ZYG11B: variants seen among roughly 807,000 people sequenced by gnomAD.
ZYG11B encodes the protein zyg-11 family member B, cell cycle regulator, also known as protein zyg-11 homolog B.
ZYG11B carries 36 observed loss-of-function variants against 82.4 expected under a neutral mutation model. The ratio of observed to expected loss-of-function variants is 0.44; its 90% CI spans 0.33 to 0.58. The LOEUF is 0.58. Among genes scored for constraint, ZYG11B ranks in the 20% least tolerant of loss-of-function variants. ZYG11B has a pLI of 0.02. For synonymous variants in ZYG11B, 303 were observed against 312.8 expected (o/e 0.97, Z 0.33); for missense variants, 552 against 895.6 (o/e 0.62, Z 4.90).
At chr1:52,749,020 A>G (rs1644499842) in intron 1 of ZYG11B, among the ~76,000 whole-genome samples, 1 of 151,862 alleles carries the variant, frequency 6.6e-6, no homozygotes, top group South Asian at 2.1e-4. Flanking sequence ...GGCTAACATG[A>G]TGAAACCCCG....
chr1:52,779,381 A>G (rs1316354712), intron 3 of ZYG11B, among the ~76,000 whole-genome samples: 1 of 152,224 alleles, frequency 6.6e-6, no homozygotes, highest in Non-Finnish European at 1.5e-5. Context: ...CATCTCTTCA[A>G]GACAGATATA....
At position 52,823,517 on chromosome 1, in the gene ZYG11B, A is replaced by G. The variant is rs1210448426; in HGVS notation, c.*1888A>G. Reference sequence around the variant, plus strand: ...AGACAAAATAGAGAATTCTTTTAAAAGTTTTTTTTTTTTTTTTCCTTTTTC... The same window carrying G: ...AGACAAAATAGAGAATTCTTTTAAAGGTTTTTTTTTTTTTTTTCCTTTTTC... On this transcript the variant is annotated 3_prime_UTR_variant, in exon 14 of 14. Transcript: ENST00000294353. 1 of 149,862 alleles carries G rather than the reference A, an allele frequency of 6.7e-6. No homozygotes were observed. The highest frequency in any genetic ancestry group is 1.9e-4 in the East Asian group (1 of 5,182). The allele number at this position is 149,862 out of a possible 1,614,324, so 9.3% of individuals were successfully genotyped here.
chr1:52,781,691 C>G (rs1016206125), intron 4 of ZYG11B, among the ~76,000 whole-genome samples: 6 of 152,164 alleles, frequency 3.9e-5, no homozygotes, highest in Admixed American at 3.9e-4. Context: ...TTAGTGGGCA[C>G]AATTCCAAGA....
rs1553261659 is a variant in ZYG11B, at chr1:52,793,868, T to TTTCTTTCCTTCCTTCC, written c.1335-2421_1335-2420insTTTCCTTCCTTCCTTC. Among the ~76,000 whole-genome samples, 389 of 95,476 alleles carry TTTCTTTCCTTCCTTCC rather than the reference T, an allele frequency of 4.1e-3. 5 individuals carry two copies. In the East Asian group the frequency reaches 0.063, roughly 15 times the overall value. 62.6% of individuals were successfully genotyped at this position (95,476 alleles called of 152,430 possible). Reference sequence around the variant, plus strand: ...TTTCTTTCTTTCTTCCTTTTCTTTCTTTCCTTCCTTCCTTCCTTCCTTCCT... The same window carrying TTTCTTTCCTTCCTTCC: ...TTTCTTTCTTTCTTCCTTTTCTTTCTTTCTTTCCTTCCTTCCTTCCTTCCTTCCTTCCTTCCTTCCT... On this transcript the variant is annotated intron_variant, in intron 6 of 13. Transcript: ENST00000294353.
At chr1:52,767,169 TG>T (rs1302479299) in intron 2 of ZYG11B, among the ~76,000 whole-genome samples, 99 of 129,738 alleles carry the variant, frequency 7.6e-4, no homozygotes, top group African/African-American at 2.4e-3. Context: ...TTTTATGTTA[TG>T]TTATTTTGTT....
At chr1:52,800,299 T>TAACTG (rs1394909422) in intron 8 of ZYG11B, among the ~76,000 whole-genome samples, 9 of 151,760 alleles carry the variant, frequency 5.9e-5, no homozygotes, top group African/African-American at 2.2e-4. Flanking sequence ...GAAAAATGAT[T>TAACTG]AACTGAGGTA....
At chr1:52,733,612 G>T (rs1264853165) in intron 1 of ZYG11B, among the ~76,000 whole-genome samples, 1 of 152,134 alleles carries the variant, frequency 6.6e-6, no homozygotes, top group Non-Finnish European at 1.5e-5. Flanking sequence ...AGTGAGCAGG[G>T]TTCACACCAC....
At chr1:52,770,745 T>G (rs2149938084) in intron 2 of ZYG11B, among the ~76,000 whole-genome samples, 1 of 152,308 alleles carries the variant, frequency 6.6e-6, no homozygotes, top group South Asian at 2.1e-4. Context: ...TGTAGTTGTC[T>G]GGTAAGGTAA....
chr1:52,783,831 C>CATACACGT (rs1553260788), intron 4 of ZYG11B, among the ~76,000 whole-genome samples: 2 of 72,488 alleles, frequency 2.8e-5, no homozygotes, highest in African/African-American at 3.4e-5. Flanking sequence ...TGTATACATA[C>CATACACGT]GTGTGTATAT....
rs578194305 is a variant in ZYG11B at position 52,760,067 on chromosome 1, C to G, written c.196+3444C>G. Among the ~76,000 whole-genome samples the G allele has an allele frequency of 7.9e-5, 12 of 152,246 alleles. No homozygotes were observed. The East Asian group carries it at 2.3e-3, about 30-fold the overall frequency. On this transcript the variant is annotated intron_variant, in intron 2 of 13. Coordinates refer to ENST00000294353, the MANE Select transcript of ZYG11B (RefSeq NM_024646.3). ...CAGGCTGGTCCTAAACTCCTGACCTCAAGTGATCTACCGCCTAGGCCTTCG... is the reference window on the plus strand; with the variant it reads ...CAGGCTGGTCCTAAACTCCTGACCTGAAGTGATCTACCGCCTAGGCCTTCG...
chr1:52,816,039 G>C (rs1056864403), intron 12 of ZYG11B, among the ~76,000 whole-genome samples: 30 of 152,114 alleles, frequency 2.0e-4, no homozygotes, highest in Admixed American at 9.8e-4. Flanking sequence ...ATTACCTGAA[G>C]TATTTAATTT....
intron 4 of ZYG11B, among the ~76,000 whole-genome samples, chr1:52,781,017 G>A (rs981053006): frequency 2.6e-5 from 4 of 151,302 alleles, no homozygotes; most frequent in Non-Finnish European, 5.9e-5. Context: ...GGTGGTGCAC[G>A]CCAGTAATCC....
At chr1:52,748,258 A>G (rs2149925277) in intron 1 of ZYG11B, among the ~76,000 whole-genome samples, 1 of 152,316 alleles carries the variant, frequency 6.6e-6, no homozygotes, top group East Asian at 1.9e-4. Context: ...AGGACCTGAT[A>G]CAGAATAAAT....
chr1:52,767,019 ATTATT>A (rs1558126446), intron 2 of ZYG11B, among the ~76,000 whole-genome samples: 1 of 150,214 alleles, frequency 6.7e-6, no homozygotes, highest in Non-Finnish European at 1.5e-5. Context: ...AAAAAAAAAA[ATTATT>A]TTATTTTATT....
At chr1:52,797,733 T>C (rs953433102) in intron 8 of ZYG11B, among the ~76,000 whole-genome samples, 3 of 151,100 alleles carry the variant, frequency 2.0e-5, no homozygotes, top group Non-Finnish European at 4.4e-5. Context: ...ATGGTCTCGA[T>C]CTCCTGACCT....
chr1:52,766,347 C>T (rs1243696434), intron 2 of ZYG11B, among the ~76,000 whole-genome samples: 1 of 151,784 alleles, frequency 6.6e-6, no homozygotes, highest in African/African-American at 2.4e-5. Flanking sequence ...TCGCGAACTC[C>T]TGACCTCATG....
Position 52,817,775 on chromosome 1 carries a change from G to GTATATATATATA in ZYG11B, c.2044+1147_2044+1148insATATATATATAT, listed in dbSNP as rs1553264314. 1.3e-3 allele frequency among the ~76,000 whole-genome samples: 43 copies of GTATATATATATA among 32,574 alleles called. 1 individual carries two copies. The highest frequency in any genetic ancestry group is 2.6e-3 in the Non-Finnish European group (38 of 14,626). 21.4% of individuals were successfully genotyped at this position (32,574 alleles called of 152,430 possible). A position where few individuals can be genotyped will look rare whatever the true frequency, so the allele number is the denominator to read the frequency against. On this transcript the variant is annotated intron_variant, in intron 13 of 13. Transcript: ENST00000294353. ...TTAATAGTAAAGTGTGTATATATATGTGTATATATATATATATATATATAT... is the reference window on the plus strand; with the variant it reads ...TTAATAGTAAAGTGTGTATATATATGTATATATATATATGTATATATATATATATATATATAT...
intron 5 of ZYG11B, among the ~76,000 whole-genome samples, 197 bp from the exon 6 acceptor site, chr1:52,789,806 A>T (rs1644941169): frequency 6.6e-6 from 1 of 151,900 alleles, no homozygotes; most frequent in South Asian, 2.1e-4. Context: ...AATGGAAAAT[A>T]AAAAAAAGGT....
intron 8 of ZYG11B, among the ~76,000 whole-genome samples, chr1:52,798,431 T>C (rs1249224535): frequency 6.6e-6 from 1 of 152,118 alleles, no homozygotes; most frequent in East Asian, 1.9e-4. Context: ...CTGAGCAATA[T>C]GAGACCCCAT....
Sources: allele counts gnomAD v4.1 joint callset (sites outside exome capture counted in the v4.1 genomes callset), GRCh38; gene constraint gnomAD v4.1.1; transcripts MANE v1.5; gene names NCBI Gene and HGNC (gene_info 2026-07-23, HGNC 2026-07-21).